Variants in TMTC2 observed in about 807,000 individuals in gnomAD.
TMTC2 encodes the protein protein O-mannosyl-transferase TMTC2.
In TMTC2, 43 loss-of-function variants were observed where a neutral mutation model predicts 82.4. The ratio of observed to expected loss-of-function variants is 0.52; its 90% CI spans 0.41 to 0.67. TMTC2 has a LOEUF of 0.67. Ranked by LOEUF, TMTC2 falls within the 30% of genes least tolerant of loss-of-function variation. The pLI is 0.00. For synonymous variants in TMTC2, 408 were observed against 381.9 expected (o/e 1.07, Z -0.80); for missense variants, 919 against 1,012.4 (o/e 0.91, Z 1.25).
At chr12:83,070,924 T>C (rs1046262473) in intron 11 of TMTC2, among the ~76,000 whole-genome samples, 1 of 152,216 alleles carries the variant, frequency 6.6e-6, no homozygotes, top group Non-Finnish European at 1.5e-5. Flanking sequence ...TGTCGAATGC[T>C]TTTTCTGCAT....
chr12:82,799,754 C>T (rs73358233), intron 1 of TMTC2, among the ~76,000 whole-genome samples: 2,158 of 152,156 alleles, frequency 0.014, 51 homozygotes, highest in African/African-American at 0.049. Context: ...ATAAGGACAC[C>T]TCAACATATC....
chr12:82,929,778 A>G (rs73362225), intron 3 of TMTC2, among the ~76,000 whole-genome samples: 6,122 of 152,236 alleles, frequency 0.04, 180 homozygotes, highest in African/African-American at 0.081. Context: ...TGTTATTTTT[A>G]ATATTGAAAA....
At chr12:83,129,441 T>C (rs1361684356) in intron 11 of TMTC2, among the ~76,000 whole-genome samples, 3 of 152,208 alleles carry the variant, frequency 2.0e-5, no homozygotes, top group African/African-American at 7.2e-5. Context: ...TGGATGAGTT[T>C]TCTTAGACTA....
rs1278790111 is a variant in TMTC2, at chr12:82,876,147, GGTGGTGGTA to G, written c.654+18580_654+18588del. Among the ~76,000 whole-genome samples, 355 of 146,434 alleles carry G rather than the reference GGTGGTGGTA, an allele frequency of 2.4e-3. 2 individuals are homozygous for G. The highest frequency in any genetic ancestry group is 3.3e-3 in the Non-Finnish European group (218 of 65,776). On this transcript the variant is annotated intron_variant, in intron 2 of 11. Coordinates refer to ENST00000321196, the MANE Select transcript of TMTC2 (RefSeq NM_152588.3). ...TATTAGTAATGGTGGTGGTGGTGGT[GGTGGTGGTA>G]GTGGTGGTAGTGTTGTTGATCGGGT...
intron 4 of TMTC2, among the ~76,000 whole-genome samples, chr12:82,957,266 A>C (rs888222977): frequency 5.3e-5 from 8 of 152,326 alleles, no homozygotes; most frequent in Middle Eastern, 3.4e-3. Context: ...GAAATTGAGC[A>C]ACTTGCTCCT....
chr12:82,752,323 A>G (rs1434810116), intron 1 of TMTC2, among the ~76,000 whole-genome samples: 7 of 151,892 alleles, frequency 4.6e-5, no homozygotes, highest in Admixed American at 4.6e-4. Context: ...TGACTCTACT[A>G]AAAATACAAA....
chr12:82,779,610 A>C (rs1877789698), intron 1 of TMTC2, among the ~76,000 whole-genome samples: 1 of 152,168 alleles, frequency 6.6e-6, no homozygotes, highest in Non-Finnish European at 1.5e-5. Context: ...AAATAACTAT[A>C]GTTCTAGGCT....
At position 82,983,967 on chromosome 12, in the gene TMTC2, A is replaced by G. The variant is rs572702523; in HGVS notation, c.1949-1958A>G. Among the ~76,000 whole-genome samples the G allele has an allele frequency of 2.6e-5, 4 of 152,136 alleles. No individual in the cohort carries two copies. The East Asian group carries it at 5.8e-4, about 22-fold the overall frequency. ...TTTATTTGAAACATTTGTTAGTTCA[A>G]TGTGGCAAGAAAAAATCCATCTGAC... On this transcript the variant is annotated intron_variant, in intron 7 of 11. Transcript: ENST00000321196.
chr12:83,000,691 G>T (rs1054278447), intron 8 of TMTC2, among the ~76,000 whole-genome samples: 4 of 152,134 alleles, frequency 2.6e-5, no homozygotes, highest in Non-Finnish European at 5.9e-5. Context: ...CACAGCTCCC[G>T]GTGGAGCCCC....
chr12:83,121,233 T>C (rs1463704182), intron 11 of TMTC2, among the ~76,000 whole-genome samples: 1 of 152,174 alleles, frequency 6.6e-6, no homozygotes. Context: ...GAACCTTGTT[T>C]TGTCATATTA....
chr12:82,704,531 A>C (rs1873250792), intron 1 of TMTC2, among the ~76,000 whole-genome samples: 1 of 152,176 alleles, frequency 6.6e-6, no homozygotes, highest in Admixed American at 6.5e-5. Context: ...ACCAGAATAG[A>C]CTGAAACTGG....
At chr12:82,706,178 G>A (rs937234382) in intron 1 of TMTC2, among the ~76,000 whole-genome samples, 7 of 151,950 alleles carry the variant, frequency 4.6e-5, no homozygotes, top group Admixed American at 4.6e-4. Context: ...GCTTGGTGGT[G>A]CATGCCTGTA....
chr12:82,752,380 G>A (rs937996019), intron 1 of TMTC2, among the ~76,000 whole-genome samples: 1 of 151,988 alleles, frequency 6.6e-6, no homozygotes, highest in African/African-American at 2.4e-5. Flanking sequence ...CAGCTACTTG[G>A]GAGGCTGAGG....
chr12:82,762,061 G>A lies in TMTC2; in HGVS notation c.83+74392G>A, dbSNP rs796210801. 1.3e-4 allele frequency among the ~76,000 whole-genome samples: 19 copies of A among 146,752 alleles called. No individual in the cohort carries two copies. In the Middle Eastern group the frequency reaches 0.011, roughly 82 times the overall value. On this transcript the variant is annotated intron_variant, in intron 1 of 11. Coordinates refer to ENST00000321196, the MANE Select transcript of TMTC2 (RefSeq NM_152588.3). ...AGCTCACTGCAACCTCCGCCTCCTGGGTTCAAGTGATTCTCCTGCCTCAGC... is the reference window on the plus strand; with the variant it reads ...AGCTCACTGCAACCTCCGCCTCCTGAGTTCAAGTGATTCTCCTGCCTCAGC...
intron 1 of TMTC2, among the ~76,000 whole-genome samples, chr12:82,851,047 GA>G (rs1288348012): frequency 1.3e-5 from 2 of 152,100 alleles, no homozygotes; most frequent in African/African-American, 4.8e-5. Context: ...CTGAGTGACA[GA>G]GCGAGACTCC....
intron 1 of TMTC2, among the ~76,000 whole-genome samples, chr12:82,845,714 C>T (rs1335683146): frequency 6.6e-6 from 1 of 152,034 alleles, no homozygotes; most frequent in Non-Finnish European, 1.5e-5. Context: ...AATTGCAAGT[C>T]TGTGAAAAGT....
At chr12:82,873,803 T>C (rs1872338120) in intron 2 of TMTC2, among the ~76,000 whole-genome samples, 1 of 152,218 alleles carries the variant, frequency 6.6e-6, no homozygotes, top group Non-Finnish European at 1.5e-5. Context: ...TAAACCCAGT[T>C]TCCATTCTGT....
chr12:82,747,765 G>A (rs1475850291), intron 1 of TMTC2, among the ~76,000 whole-genome samples: 1 of 152,054 alleles, frequency 6.6e-6, no homozygotes, highest in Non-Finnish European at 1.5e-5. Context: ...ACTTAAATAC[G>A]TTTAGCACTT....
At chr12:82,936,644 A>G (rs1308728863) in intron 4 of TMTC2, among the ~76,000 whole-genome samples, 2 of 152,172 alleles carry the variant, frequency 1.3e-5, no homozygotes, top group Admixed American at 1.3e-4. Flanking sequence ...AAAAAATATC[A>G]TCTCTAGAAA....
Sources: allele counts gnomAD v4.1 joint callset (sites outside exome capture counted in the v4.1 genomes callset), GRCh38; gene constraint gnomAD v4.1.1; transcripts MANE v1.5; gene names NCBI Gene and HGNC (gene_info 2026-07-23, HGNC 2026-07-21).